The following ARMC7 variants were observed in gnomAD, a reference collection of about 807,000 sequenced individuals.
ARMC7 encodes armadillo repeat-containing protein 7.
ARMC7 carries 9 observed loss-of-function variants against 14.8 expected under a neutral mutation model. The observed-to-expected ratio is 0.61, with a 90% CI of 0.37 to 1.06. The LOEUF (loss-of-function observed/expected upper bound fraction) is 1.06, where lower values mean the gene tolerates loss of function less well. Among genes scored for constraint, ARMC7 ranks in the 50% least tolerant of loss-of-function variants. The pLI, the probability that ARMC7 is intolerant of heterozygous loss-of-function variation, is 0.01. For missense variants in ARMC7, 262 were observed against 267.1 expected, an observed-to-expected ratio of 0.98 and a Z score of 0.13; for synonymous variants, 125 against 123.4, an observed-to-expected ratio of 1.01 and a Z score of -0.09.
intron 2 of ARMC7, among the ~76,000 whole-genome samples, chr17:75,112,701 G>C (rs981352296): frequency 6.7e-6 from 1 of 150,030 alleles, no homozygotes; most frequent in East Asian, 2.0e-4. Context: ...TTAGCCTCCC[G>C]AGTAGCTGTG....
intron 2 of ARMC7, among the ~76,000 whole-genome samples, chr17:75,122,971 C>T (rs2074024448): frequency 6.6e-6 from 1 of 151,488 alleles, no homozygotes; most frequent in Non-Finnish European, 1.5e-5. Context: ...AATCTGGTGT[C>T]CTTCTTCCCT....
At chr17:75,123,212 T>TC (rs1452325564) in intron 2 of ARMC7, among the ~76,000 whole-genome samples, 5 of 147,856 alleles carry the variant, frequency 3.4e-5, no homozygotes, top group East Asian at 2.0e-4. Context: ...CTAATTTTTT[T>TC]TTTTTTTTTT....
chr17:75,123,847 G>A (rs769330420), intron 2 of ARMC7, among the ~76,000 whole-genome samples: 4 of 151,954 alleles, frequency 2.6e-5, no homozygotes, highest in African/African-American at 4.8e-5. Flanking sequence ...GGAGGCGGAG[G>A]TTGCAGTGAG....
At chr17:75,115,686 C>T (rs2073968277) in intron 2 of ARMC7, among the ~76,000 whole-genome samples, 3 of 152,144 alleles carry the variant, frequency 2.0e-5, no homozygotes, top group Admixed American at 2.0e-4. Context: ...TAGCAAAACC[C>T]TGTCCCTACA....
In ARMC7 at chr17:75,117,506, T is replaced by G. The variant is rs143687978; in HGVS notation, c.235+6900T>G. Among the ~76,000 whole-genome samples the G allele has an allele frequency of 2.9e-3, 447 of 152,272 alleles. 3 individuals are homozygous for G. Among genetic ancestry groups the G allele is most frequent in the African/African-American group, 0.01 (430 of 41,552 alleles). ...GGAGGCAGAGGTTACAGACAAAGTT[T>G]TAAATCAACACCAGGAGGCTATATA... On this transcript the variant is annotated intron_variant, in intron 2 of 2. Transcript: ENST00000245543.
chr17:75,116,283 C>T (rs2145122420), intron 2 of ARMC7, among the ~76,000 whole-genome samples: 1 of 152,320 alleles, frequency 6.6e-6, no homozygotes, highest in African/African-American at 2.4e-5. Flanking sequence ...TCTTTCCAAT[C>T]AGGACTCTGA....
At chr17:75,117,073 TG>T (rs1413672100) in intron 2 of ARMC7, among the ~76,000 whole-genome samples, 1 of 152,210 alleles carries the variant, frequency 6.6e-6, no homozygotes, top group Non-Finnish European at 1.5e-5. Flanking sequence ...GCTTTGTTTT[TG>T]TTTTTGGTTT....
chr17:75,123,168 A>G (rs1020855915), intron 2 of ARMC7, among the ~76,000 whole-genome samples: 3 of 147,236 alleles, frequency 2.0e-5, no homozygotes, highest in African/African-American at 7.6e-5. Flanking sequence ...CCTCCCAAGT[A>G]GCTGGGACTA....
intron 2 of ARMC7, among the ~76,000 whole-genome samples, chr17:75,118,247 T>G (rs183118815): frequency 6.6e-6 from 1 of 152,358 alleles, no homozygotes; most frequent in Admixed American, 6.5e-5. Context: ...GTTGCTCACT[T>G]GCTTCTCAGG....
intron 2 of ARMC7, among the ~76,000 whole-genome samples, chr17:75,122,270 G>A (rs2145129836): frequency 6.6e-6 from 1 of 151,974 alleles, no homozygotes; most frequent in South Asian, 2.1e-4. Context: ...AGGATGCAGT[G>A]AGCCGAGATT....
chr17:75,128,604 G>A, intron 2 of ARMC7, 73 bp from the exon 3 acceptor site: 3 of 1,543,760 alleles, frequency 1.9e-6, no homozygotes, highest in African/African-American at 2.7e-5. Flanking sequence ...GCCCCTACCT[G>A]GGGCTCACGG....
chr17:75,118,956 A>T (rs1342054468), intron 2 of ARMC7, among the ~76,000 whole-genome samples: 1 of 152,222 alleles, frequency 6.6e-6, no homozygotes, highest in Non-Finnish European at 1.5e-5. Context: ...GTCATCCAGG[A>T]TCCAAATTCT....
At position 75,128,736 on chromosome 17, in the gene ARMC7, G is replaced by T; in HGVS notation, c.295G>T (p.Gly99Cys). 6.2e-7 allele frequency: 1 copy of T among 1,613,578 alleles called. No individual in the cohort carries two copies. Among genetic ancestry groups the T allele is most frequent in the Admixed American group, 1.7e-5 (1 of 60,022 alleles). The change falls in exon 3 of 3, where the codon GGT (glycine) becomes TGT (cysteine). Residue 99 changes from glycine (G) to cysteine (C), a missense_variant. Gly to Cys is a radical substitution (Grantham distance 159). Transcript: ENST00000245543. ...CAAGGAGCACATCCTGCACGCAGGA[G>T]GTGTCCCACTCATCATCAACTGCCT... ...ANKEHILHAG[G>C]VPLIINCLSS...
rs1010697702 is a variant in ARMC7, at chr17:75,129,226, A to C, written c.*188A>C. 10 of 804,934 alleles carry C rather than the reference A, an allele frequency of 1.2e-5. No individual in the cohort carries two copies. The African/African-American group carries it at 1.7e-4, about 14-fold the overall frequency. The allele number at this position is 804,934 out of a possible 1,614,324, so 49.9% of individuals were successfully genotyped here. A position where few individuals can be genotyped will look rare whatever the true frequency, so the allele number is the denominator to read the frequency against. Reference sequence around the variant, plus strand: ...TGGGAGTGAGGAAGCCAGACTCCAGAGACACGGAGAAGATCAAACTGGAGC... The same window carrying C: ...TGGGAGTGAGGAAGCCAGACTCCAGCGACACGGAGAAGATCAAACTGGAGC... On this transcript the variant is annotated 3_prime_UTR_variant, in exon 3 of 3. Coordinates refer to ENST00000245543, the MANE Select transcript of ARMC7 (RefSeq NM_024585.4).
intron 2 of ARMC7, among the ~76,000 whole-genome samples, chr17:75,116,498 G>A (rs1257038687): frequency 6.6e-6 from 1 of 152,222 alleles, no homozygotes; most frequent in East Asian, 1.9e-4. Flanking sequence ...GGTGGCACGC[G>A]CCTGTAATCC....
intron 2 of ARMC7, chr17:75,114,396 G>A: frequency 2.5e-6 from 1 of 396,574 alleles, no homozygotes; most frequent in Non-Finnish European, 4.4e-6. Flanking sequence ...TGAGGTCCGG[G>A]TCCACTGAGC....
intron 2 of ARMC7, among the ~76,000 whole-genome samples, chr17:75,124,068 A>G (rs771718167): frequency 3.9e-5 from 6 of 152,214 alleles, no homozygotes; most frequent in Non-Finnish European, 7.3e-5. Flanking sequence ...AGGTAGACCC[A>G]GGGAGAAGCT....
intron 2 of ARMC7, 33 bp from the exon 3 acceptor site, chr17:75,128,644 A>G: frequency 6.3e-7 from 1 of 1,585,890 alleles, no homozygotes; most frequent in Non-Finnish European, 8.6e-7. Context: ...GCCCGGGGCT[A>G]CAGCATCCAG....
chr17:75,122,945 A>G (rs961620111), intron 2 of ARMC7, among the ~76,000 whole-genome samples: 6 of 151,654 alleles, frequency 4.0e-5, no homozygotes, highest in Non-Finnish European at 7.4e-5. Flanking sequence ...TAGCGGGCCT[A>G]TCTTATTGTA....
Sources: allele counts gnomAD v4.1 joint callset (sites outside exome capture counted in the v4.1 genomes callset), GRCh38; gene constraint gnomAD v4.1.1; transcripts MANE v1.5; gene names NCBI Gene and HGNC (gene_info 2026-07-23, HGNC 2026-07-21).